Variants in PCDH15 observed in about 807,000 individuals in gnomAD.
PCDH15 encodes the protein protocadherin-15.
A neutral mutation model predicts 178.5 loss-of-function variants in PCDH15; 129 were observed. That is an observed-to-expected ratio of 0.72 (90% CI 0.63 to 0.84). The LOEUF is 0.84. PCDH15 is among the 40% of genes least tolerant of loss of function. PCDH15 has a pLI of 0.00. For missense variants in PCDH15, 2,230 were observed against 2,099.9 expected (o/e 1.06, Z -1.21); for synonymous variants, 800 against 732.0 (o/e 1.09, Z -1.50).
rs1297360197 is a variant in PCDH15 at position 55,058,888 on chromosome 10, T to A, written c.-80+107688A>T. Among the ~76,000 whole-genome samples, 5 of 152,192 alleles carry A rather than the reference T, an allele frequency of 3.3e-5. 1 individual carries two copies. In the East Asian group the frequency reaches 9.6e-4, roughly 29 times the overall value. On this transcript the variant is annotated intron_variant, in intron 2 of 5. Transcript: ENST00000458638. ...AACACTAGTTAGATACAAGATTAAA[T>A]TTTGATAAATGTTTGATTCCCAGAG... is the stretch of plus-strand genomic sequence containing the variant.
intron 18 of PCDH15, among the ~76,000 whole-genome samples, chr10:54,061,996 G>A (rs549486286): frequency 6.0e-4 from 91 of 151,854 alleles, no homozygotes; most frequent in African/African-American, 1.5e-3. Flanking sequence ...AGGCCAAGGC[G>A]GGCAGATCAC....
intron 2 of PCDH15, among the ~76,000 whole-genome samples, chr10:55,327,925 C>G (rs1400431053): frequency 6.6e-6 from 1 of 152,006 alleles, no homozygotes; most frequent in Non-Finnish European, 1.5e-5. Flanking sequence ...GGCTGTCAGT[C>G]ACTTAGTCAG....
At chr10:53,887,555 C>T (rs1191770256) in intron 26 of PCDH15, among the ~76,000 whole-genome samples, 1 of 152,002 alleles carries the variant, frequency 6.6e-6, no homozygotes, top group Non-Finnish European at 1.5e-5. Context: ...TTCTACAGTA[C>T]TCTCATGAAA....
At chr10:55,099,896 AAAAC>A (rs1293685912) in intron 2 of PCDH15, among the ~76,000 whole-genome samples, 2 of 152,254 alleles carry the variant, frequency 1.3e-5, no homozygotes, top group Admixed American at 6.5e-5. Context: ...AGTGACATAT[AAAAC>A]AAACAGAAGA....
intron 15 of PCDH15, among the ~76,000 whole-genome samples, chr10:54,129,389 C>T (rs1386810642): frequency 2.0e-5 from 3 of 152,020 alleles, no homozygotes; most frequent in African/African-American, 7.2e-5. Context: ...TAAATTTATA[C>T]TTTTGTTTGT....
intron 1 of PCDH15, among the ~76,000 whole-genome samples, chr10:54,775,778 G>C (rs368649748): frequency 1.3e-5 from 2 of 152,098 alleles, no homozygotes; most frequent in African/African-American, 4.8e-5. Flanking sequence ...CCAGCTACTC[G>C]GAGAGGCTGA....
intron 26 of PCDH15, among the ~76,000 whole-genome samples, chr10:53,885,001 G>A (rs1287160263): frequency 3.3e-5 from 5 of 152,074 alleles, no homozygotes; most frequent in African/African-American, 4.8e-5. Context: ...CAGAGAAAGA[G>A]CTGCTTCGTT....
intron 18 of PCDH15, among the ~76,000 whole-genome samples, chr10:54,042,366 CA>C (rs967286788): frequency 3.9e-5 from 6 of 151,962 alleles, no homozygotes; most frequent in African/African-American, 1.5e-4. Flanking sequence ...TATTTGCAGG[CA>C]GTCAAAAATG....
At chr10:54,967,928 T>C (rs571121417) in intron 2 of PCDH15, among the ~76,000 whole-genome samples, 3 of 152,254 alleles carry the variant, frequency 2.0e-5, no homozygotes, top group South Asian at 4.1e-4. Flanking sequence ...AGTGTCCTCA[T>C]AGAACACAAC....
chr10:55,350,303 A>G, intron 2 of PCDH15, among the ~76,000 whole-genome samples: 1 of 145,996 alleles, frequency 6.8e-6, no homozygotes, highest in Non-Finnish European at 1.5e-5. Context: ...ACACACACAA[A>G]CATACATACA....
chr10:55,421,652 CAT>C (rs1838624674), intron 2 of PCDH15, among the ~76,000 whole-genome samples: 1 of 151,256 alleles, frequency 6.6e-6, no homozygotes, highest in Non-Finnish European at 1.5e-5. Flanking sequence ...ATTTTATTAA[CAT>C]ATTCCAAATT....
At chr10:54,074,181 T>C (rs2094298244) in intron 17 of PCDH15, among the ~76,000 whole-genome samples, 1 of 152,244 alleles carries the variant, frequency 6.6e-6, no homozygotes, top group Non-Finnish European at 1.5e-5. Flanking sequence ...TGTCCACCTC[T>C]AGATTTTTTT....
chr10:55,582,628 ATTTTT>A (rs1554800566), intron 2 of PCDH15, among the ~76,000 whole-genome samples: 2 of 69,032 alleles, frequency 2.9e-5, no homozygotes, highest in African/African-American at 1.3e-4. Flanking sequence ...ATATATATAT[ATTTTT>A]TTTTTTTTGC....
intron 1 of PCDH15, among the ~76,000 whole-genome samples, chr10:54,725,306 G>A (rs1420685193): frequency 6.6e-6 from 1 of 150,478 alleles, no homozygotes; most frequent in Non-Finnish European, 1.5e-5. Flanking sequence ...CATTTTCTTA[G>A]TAAATGAATG....
rs1554853331 is a variant in PCDH15 at position 54,239,432 on chromosome 10, T to TATATAGAGAGAGAGAGAGAGAGAGAG, written c.877-2502_877-2501insCTCTCTCTCTCTCTCTCTCTCTATAT. ...GTGATTAAATATATATATATATATA[T>TATATAGAGAGAGAGAGAGAGAGAGAG]AGAGTAAGAACTGAAGAACTAAAAA... On this transcript the variant is annotated intron_variant, in intron 8 of 37. Coordinates refer to ENST00000644397, the MANE Select transcript of PCDH15 (RefSeq NM_001384140.1). Among the ~76,000 whole-genome samples the TATATAGAGAGAGAGAGAGAGAGAGAG allele has an allele frequency of 4.3e-3, 643 of 150,600 alleles. 2 individuals are homozygous for TATATAGAGAGAGAGAGAGAGAGAGAG. Among genetic ancestry groups the TATATAGAGAGAGAGAGAGAGAGAGAG allele is most frequent in the African/African-American group, 6.9e-3 (283 of 41,036 alleles).
chr10:54,875,332 C>T (rs926559976), intron 3 of PCDH15, among the ~76,000 whole-genome samples: 45 of 152,026 alleles, frequency 3.0e-4, no homozygotes, highest in African/African-American at 1.1e-3. Flanking sequence ...ACTGGCTGTT[C>T]CTCCTTCTCT....
chr10:55,604,333 C>A (rs1294995039), intron 2 of PCDH15, among the ~76,000 whole-genome samples: 1 of 146,764 alleles, frequency 6.8e-6, no homozygotes, highest in Non-Finnish European at 1.5e-5. Flanking sequence ...TTAGACAGAT[C>A]AACGAGACAG....
intron 27 of PCDH15, among the ~76,000 whole-genome samples, chr10:53,860,815 A>G (rs2079059157): frequency 1.3e-5 from 2 of 151,646 alleles, no homozygotes; most frequent in South Asian, 4.2e-4. Flanking sequence ...GAATATATCC[A>G]TTTTAAGGTT....
chr10:54,127,028 A>G (rs975037239), intron 15 of PCDH15, among the ~76,000 whole-genome samples: 2 of 152,194 alleles, frequency 1.3e-5, no homozygotes, highest in Non-Finnish European at 2.9e-5. Flanking sequence ...ACATATTTCA[A>G]GTAAATTATT....
Sources: allele counts gnomAD v4.1 joint callset (sites outside exome capture counted in the v4.1 genomes callset), GRCh38; gene constraint gnomAD v4.1.1; transcripts MANE v1.5; gene names NCBI Gene and HGNC (gene_info 2026-07-23, HGNC 2026-07-21).